NCKAP5: variants seen among roughly 807,000 people sequenced by gnomAD.
NCKAP5 encodes the protein nck-associated protein 5.
NCKAP5 carries 92 observed loss-of-function variants against 167.0 expected under a neutral mutation model. That is an observed-to-expected ratio of 0.55 (90% CI 0.47 to 0.66). The LOEUF (loss-of-function observed/expected upper bound fraction) is 0.66. NCKAP5 is among the 30% of genes least tolerant of loss of function. The pLI, the probability that NCKAP5 is intolerant of heterozygous loss-of-function variation, is 0.00. For missense variants in NCKAP5, 2,378 were observed against 2,315.0 expected, an observed-to-expected ratio of 1.03 and a Z score of -0.56; for synonymous variants, 891 against 877.4, an observed-to-expected ratio of 1.02 and a Z score of -0.27.
chr2:133,174,999 T>A (rs182169152), intron 5 of NCKAP5, among the ~76,000 whole-genome samples: 1 of 152,150 alleles, frequency 6.6e-6, no homozygotes, highest in Non-Finnish European at 1.5e-5. Context: ...AATGTATGAG[T>A]GTCTGTTTTC....
chr2:133,447,557 C>T (rs1442359209), intron 3 of NCKAP5, among the ~76,000 whole-genome samples: 1 of 140,836 alleles, frequency 7.1e-6, no homozygotes, highest in Non-Finnish European at 1.5e-5. Context: ...CCTCCCCTTC[C>T]TTTCCCCCTC....
chr2:133,164,414 C>T (rs1369842465), intron 5 of NCKAP5, among the ~76,000 whole-genome samples: 1 of 152,152 alleles, frequency 6.6e-6, no homozygotes, highest in Non-Finnish European at 1.5e-5. Flanking sequence ...GTCTTGGCAA[C>T]GTTGTTCACT....
At chr2:133,145,083 C>T (rs553162198) in intron 5 of NCKAP5, among the ~76,000 whole-genome samples, 2 of 151,986 alleles carry the variant, frequency 1.3e-5, no homozygotes, top group Admixed American at 6.6e-5. Context: ...CCTTTAAATG[C>T]TTTTCTATTT....
intron 19 of NCKAP5, among the ~76,000 whole-genome samples, chr2:132,704,802 C>T (rs1317128930): frequency 6.6e-6 from 1 of 152,192 alleles, no homozygotes; most frequent in African/African-American, 2.4e-5. Context: ...AAGTCTAACA[C>T]TCTACCTGCT....
At chr2:133,654,400 A>ATAAG in the NCKAP5 span, among the ~76,000 whole-genome samples, 1 of 151,588 alleles carries the variant, frequency 6.6e-6, no homozygotes, top group Non-Finnish European at 1.5e-5. Context: ...AAATAAATAA[A>ATAAG]TAAATAAATA....
intron 5 of NCKAP5, among the ~76,000 whole-genome samples, chr2:133,149,537 T>C (rs866498239): frequency 6.7e-6 from 1 of 150,254 alleles, no homozygotes; most frequent in Non-Finnish European, 1.5e-5. Context: ...CAAATACCTA[T>C]CTTGGACCAA....
In NCKAP5 at chr2:133,486,280, C is replaced by T. The variant is rs149549608; in HGVS notation, c.69+31178G>A. Among the ~76,000 whole-genome samples the T allele has an allele frequency of 5.3e-5, 8 of 152,218 alleles. No homozygotes were observed. In the South Asian group the frequency reaches 8.3e-4, roughly 16 times the overall value. On this transcript the variant is annotated intron_variant, in intron 3 of 19. Transcript: ENST00000409261. The stretch of plus-strand genomic sequence containing the variant: ...TAGGTAGACATCACATGCCTTTTTC[C>T]GCTTATTTGTTTTTAAAGAAGAAAG...
intron 6 of NCKAP5, among the ~76,000 whole-genome samples, chr2:133,010,446 A>T (rs990726111): frequency 3.9e-5 from 6 of 152,162 alleles, no homozygotes; most frequent in Non-Finnish European, 8.8e-5. Flanking sequence ...TCTCAATATC[A>T]ACCAGGCCTC....
In NCKAP5 at chr2:132,675,328, A is replaced by G. The variant is rs531363526; in HGVS notation, c.5714-2023T>C. On this transcript the variant is annotated intron_variant, in intron 19 of 19. Transcript: ENST00000409261. Reference sequence around the variant, plus strand: ...ATCCTTCTTCAGGTGTAAAATGGTGATAAGATACATCTTTATTTCAGGACT... The same window carrying G: ...ATCCTTCTTCAGGTGTAAAATGGTGGTAAGATACATCTTTATTTCAGGACT... 4.6e-5 allele frequency among the ~76,000 whole-genome samples: 7 copies of G among 152,362 alleles called. No homozygotes were observed. The East Asian group carries it at 9.6e-4, about 21-fold the overall frequency.
At position 133,160,766 on chromosome 2, in the gene NCKAP5, T is replaced by C. The variant is rs2083763849; in HGVS notation, c.208-30655A>G. Among the ~76,000 whole-genome samples, 3 of 152,290 alleles carry C rather than the reference T, an allele frequency of 2.0e-5. No homozygotes were observed. In the South Asian group the frequency reaches 6.2e-4, roughly 32 times the overall value. On this transcript the variant is annotated intron_variant, in intron 5 of 19. Coordinates refer to ENST00000409261, the MANE Select transcript of NCKAP5 (RefSeq NM_207363.3). ...CCTTTTCTTCTCCTAGAACTTTCCA[T>C]ACCCAGTTCTGAGGATTAGTCCCAG...
chr2:133,627,556 C>T, the NCKAP5 span, among the ~76,000 whole-genome samples: 1 of 152,118 alleles, frequency 6.6e-6, no homozygotes, highest in African/African-American at 2.4e-5. Context: ...AGGTGGATCA[C>T]CTGAGGCCAG....
chr2:133,461,196 C>T (rs188685583), intron 3 of NCKAP5, among the ~76,000 whole-genome samples: 1 of 152,152 alleles, frequency 6.6e-6, no homozygotes, highest in Admixed American at 6.5e-5. Context: ...GGAAGGACCT[C>T]CAAATAGAAA....
intron 5 of NCKAP5, among the ~76,000 whole-genome samples, chr2:133,169,582 G>A (rs542096972): frequency 6.6e-6 from 1 of 152,254 alleles, no homozygotes; most frequent in Admixed American, 6.5e-5. Flanking sequence ...TCCACTTGCT[G>A]CCTGCAGGGA....
intron 16 of NCKAP5, among the ~76,000 whole-genome samples, chr2:132,754,930 A>C (rs556128550): frequency 6.6e-6 from 1 of 152,368 alleles, no homozygotes; most frequent in South Asian, 2.1e-4. Flanking sequence ...AGATTGGATA[A>C]GCTCATCAAA....
At chr2:133,630,263 G>A in the NCKAP5 span, among the ~76,000 whole-genome samples, 1 of 152,146 alleles carries the variant, frequency 6.6e-6, no homozygotes, top group African/African-American at 2.4e-5. Flanking sequence ...GAAATCTATA[G>A]AGACAGAAAG....
At chr2:133,362,991 C>T (rs1034228787) in intron 3 of NCKAP5, among the ~76,000 whole-genome samples, 2 of 151,688 alleles carry the variant, frequency 1.3e-5, no homozygotes, top group African/African-American at 4.8e-5. Flanking sequence ...TGGTCTCGAT[C>T]TCCTGACCCT....
the NCKAP5 span, among the ~76,000 whole-genome samples, chr2:133,664,835 A>G: frequency 6.6e-6 from 1 of 152,118 alleles, no homozygotes; most frequent in Non-Finnish European, 1.5e-5. Context: ...TTCACCACCT[A>G]TCTTAGCTAG....
chr2:133,427,058 GC>G (rs1206914607), intron 3 of NCKAP5, among the ~76,000 whole-genome samples: 1 of 152,138 alleles, frequency 6.6e-6, no homozygotes, highest in Admixed American at 6.5e-5. Flanking sequence ...GGAGAGCCAT[GC>G]AAAAATCTCA....
chr2:133,611,690 TAGCCTCTCCCTGCAGG>T, the NCKAP5 span, among the ~76,000 whole-genome samples: 2 of 152,198 alleles, frequency 1.3e-5, no homozygotes, highest in African/African-American at 4.8e-5. Context: ...TGGCAACTAA[TAGCCTCTCCCTGCAGG>T]CTCCCACAGG....
Sources: allele counts gnomAD v4.1 joint callset (sites outside exome capture counted in the v4.1 genomes callset), GRCh38; gene constraint gnomAD v4.1.1; transcripts MANE v1.5; gene names NCBI Gene and HGNC (gene_info 2026-07-23, HGNC 2026-07-21).